The following SPATA16 variants were observed in gnomAD, a reference collection of about 807,000 sequenced individuals.
SPATA16 encodes spermatogenesis associated 16.
In SPATA16, 36 loss-of-function variants were observed where a neutral mutation model predicts 63.3. The ratio of observed to expected loss-of-function variants is 0.57; its 90% CI spans 0.44 to 0.75. The LOEUF is 0.75. Ranked by LOEUF, SPATA16 falls within the 30% of genes least tolerant of loss-of-function variation. SPATA16 has a pLI of 0.00. For synonymous variants in SPATA16, 203 were observed against 216.7 expected (o/e 0.94, Z 0.56); for missense variants, 646 against 679.3 (o/e 0.95, Z 0.54).
intron 4 of SPATA16, among the ~76,000 whole-genome samples, chr3:172,983,571 C>T (rs1162881180): frequency 1.3e-5 from 2 of 151,994 alleles, no homozygotes; most frequent in African/African-American, 4.8e-5. Flanking sequence ...TTTCCTTTCT[C>T]CTATACTTAA....
chr3:173,064,025 G>A (rs1459763346), intron 2 of SPATA16, among the ~76,000 whole-genome samples: 1 of 152,184 alleles, frequency 6.6e-6, no homozygotes, highest in Non-Finnish European at 1.5e-5. Context: ...ATGGAAGTGA[G>A]GCTGGGTGCA....
chr3:173,139,924 G>T (rs1043247853), intron 1 of SPATA16, among the ~76,000 whole-genome samples: 4 of 152,140 alleles, frequency 2.6e-5, no homozygotes, highest in Non-Finnish European at 5.9e-5. Flanking sequence ...GGCAGAGGTT[G>T]CAGTGAGCCA....
chr3:172,900,319 C>T (rs907756120), intron 10 of SPATA16, among the ~76,000 whole-genome samples: 1 of 152,082 alleles, frequency 6.6e-6, no homozygotes, highest in South Asian at 2.1e-4. Flanking sequence ...GCATCATTTC[C>T]CTCTTGCTGC....
rs1734035634 is a variant in SPATA16, at chr3:172,971,065, T to C, written c.933+5903A>G. On this transcript the variant is annotated intron_variant, in intron 5 of 10. Transcript: ENST00000351008. ...TGATTCTCTGGTCTGTTTAGAGAAATCTATTCACTTGCTGCTCCCTTGATT... is the reference window on the plus strand; with the variant it reads ...TGATTCTCTGGTCTGTTTAGAGAAACCTATTCACTTGCTGCTCCCTTGATT... Among the ~76,000 whole-genome samples the C allele has an allele frequency of 2.0e-5, 3 of 152,162 alleles. No individual in the cohort carries two copies. In the South Asian group the frequency reaches 6.2e-4, roughly 32 times the overall value.
intron 6 of SPATA16, among the ~76,000 whole-genome samples, chr3:172,954,816 A>G (rs1419922525): frequency 2.0e-4 from 30 of 152,234 alleles, no homozygotes; most frequent in Non-Finnish European, 1.6e-4. Flanking sequence ...ATGCAGTAGC[A>G]TTGTTAACCC....
chr3:172,896,458 T>C (rs1228664275), intron 10 of SPATA16, among the ~76,000 whole-genome samples: 1 of 152,182 alleles, frequency 6.6e-6, no homozygotes, highest in Non-Finnish European at 1.5e-5. Context: ...CCTGACTTCG[T>C]GATCCGCCTG....
chr3:172,905,878 A>G (rs752750625), intron 10 of SPATA16, among the ~76,000 whole-genome samples: 1 of 152,202 alleles, frequency 6.6e-6, no homozygotes, highest in Non-Finnish European at 1.5e-5. Flanking sequence ...GTCCGAAAGT[A>G]TATGCTGGAG....
intron 4 of SPATA16, among the ~76,000 whole-genome samples, chr3:173,017,522 C>A (rs1376791891): frequency 6.6e-6 from 1 of 152,120 alleles, no homozygotes; most frequent in Non-Finnish European, 1.5e-5. Flanking sequence ...ATGCTGGTAA[C>A]CTGGCTCTCC....
intron 2 of SPATA16, among the ~76,000 whole-genome samples, chr3:173,081,766 GA>G (rs2108313806): frequency 6.6e-6 from 1 of 152,276 alleles, no homozygotes; most frequent in South Asian, 2.1e-4. Flanking sequence ...GAACTGGTTA[GA>G]AATTCAACAC....
At chr3:172,953,905 CAG>C (rs1439218179) in intron 6 of SPATA16, among the ~76,000 whole-genome samples, 2 of 152,102 alleles carry the variant, frequency 1.3e-5, no homozygotes, top group South Asian at 4.1e-4. Flanking sequence ...TGGGATGAGA[CAG>C]AATATATTTT....
chr3:172,979,191 C>T (rs182456034), intron 4 of SPATA16, among the ~76,000 whole-genome samples: 52 of 152,008 alleles, frequency 3.4e-4, no homozygotes, highest in African/African-American at 1.1e-3. Context: ...GAGCCGAGAT[C>T]GCGCCACTGC....
intron 6 of SPATA16, 103 bp downstream of exon 6, chr3:172,956,574 A>T: frequency 1.6e-6 from 2 of 1,279,452 alleles, no homozygotes; most frequent in Non-Finnish European, 2.2e-6. Context: ...AAAACAGTGT[A>T]CTCCTAAAAC....
chr3:172,895,641 C>T (rs1731992909), intron 10 of SPATA16, among the ~76,000 whole-genome samples: 1 of 151,938 alleles, frequency 6.6e-6, no homozygotes, highest in African/African-American at 2.4e-5. Context: ...GCCATAGGTT[C>T]TTCATTTATA....
intron 4 of SPATA16, among the ~76,000 whole-genome samples, chr3:173,003,508 C>T (rs1289741290): frequency 1.3e-5 from 2 of 152,170 alleles, no homozygotes; most frequent in African/African-American, 4.8e-5. Context: ...TTCGACAAGT[C>T]ATTTAAACTC....
At chr3:172,940,068 C>A (rs980083033) in intron 6 of SPATA16, among the ~76,000 whole-genome samples, 6 of 152,148 alleles carry the variant, frequency 3.9e-5, no homozygotes, top group South Asian at 2.1e-4. Flanking sequence ...AATGGCATAC[C>A]AAAGAGGGCC....
At chr3:172,948,281 C>T (rs552612301) in intron 6 of SPATA16, among the ~76,000 whole-genome samples, 20 of 152,180 alleles carry the variant, frequency 1.3e-4, no homozygotes, top group Non-Finnish European at 1.9e-4. Context: ...GTCTGGCAGC[C>T]GACTTCTCTG....
At chr3:172,961,280 C>T (rs576028379) in intron 5 of SPATA16, among the ~76,000 whole-genome samples, 14 of 152,178 alleles carry the variant, frequency 9.2e-5, no homozygotes, top group African/African-American at 3.4e-4. Flanking sequence ...TGCTTCCAGT[C>T]TTAGGGTTGA....
At chr3:173,114,122 G>A (rs6791582) in intron 2 of SPATA16, among the ~76,000 whole-genome samples, 25,169 of 148,638 alleles carry the variant, frequency 0.17, 2,267 homozygotes, top group East Asian at 0.3. Context: ...GGAGGTTGCA[G>A]TGAGCTGAGA....
chr3:173,092,537 C>T (rs957041128), intron 2 of SPATA16, among the ~76,000 whole-genome samples: 2 of 152,054 alleles, frequency 1.3e-5, no homozygotes, highest in Non-Finnish European at 2.9e-5. Flanking sequence ...AATAGAGATA[C>T]AGAAGAGTCA....
Sources: allele counts gnomAD v4.1 joint callset (sites outside exome capture counted in the v4.1 genomes callset), GRCh38; gene constraint gnomAD v4.1.1; transcripts MANE v1.5; gene names NCBI Gene and HGNC (gene_info 2026-07-23, HGNC 2026-07-21).